Variants in CTNNA2 observed in about 807,000 individuals in gnomAD.
CTNNA2 encodes catenin alpha 2.
In CTNNA2, 42 loss-of-function variants were observed where a neutral mutation model predicts 101.0. The ratio of observed to expected loss-of-function variants is 0.42; its 90% CI spans 0.32 to 0.54. The LOEUF is 0.54. Among genes scored for constraint, CTNNA2 ranks in the 20% least tolerant of loss-of-function variants. The probability of loss-of-function intolerance (pLI) is 0.14; values close to 1 mark genes in which losing one functional copy is unlikely to be tolerated. For synonymous variants in CTNNA2, 450 were observed against 456.4 expected (o/e 0.99, Z 0.18); for missense variants, 871 against 1,223.1 (o/e 0.71, Z 4.29).
chr2:79,338,088 A>G lies in CTNNA2; in HGVS notation c.-318+25292A>G, dbSNP rs184152512. ...TGGAGAAACCCCATCTCTACTAAAA[A>G]TACAAAAAAATTAGCTGGGTATGGT... On this transcript the variant is annotated intron_variant, in intron 3 of 21. Transcript: ENST00000466387. 5.1e-3 allele frequency among the ~76,000 whole-genome samples: 781 copies of G among 152,026 alleles called. 5 individuals carry two copies. The highest frequency in any genetic ancestry group is 0.017 in the Middle Eastern group (5 of 294).
At chr2:79,363,087 C>T (rs1677666879) in intron 3 of CTNNA2, among the ~76,000 whole-genome samples, 1 of 152,186 alleles carries the variant, frequency 6.6e-6, no homozygotes, top group African/African-American at 2.4e-5. Flanking sequence ...TTACTTCAGG[C>T]TTCTATGACA....
rs75648499 is a variant in CTNNA2 at position 79,390,471 on chromosome 2, T to C, written c.-135+16458T>C. Reference sequence around the variant, plus strand: ...GCAGTTTTAATCTCACCTCCTCCGTTATACCTTTCTTGATTACTTCATCCA... The same window carrying C: ...GCAGTTTTAATCTCACCTCCTCCGTCATACCTTTCTTGATTACTTCATCCA... On this transcript the variant is annotated intron_variant, in intron 4 of 21. Coordinates refer to the CTNNA2 transcript ENST00000466387. Among the ~76,000 whole-genome samples, 40 of 152,290 alleles carry C rather than the reference T, an allele frequency of 2.6e-4. No individual in the cohort carries two copies. In the East Asian group the frequency reaches 7.7e-3, roughly 29 times the overall value.
chr2:79,814,995 G>A (rs1407280808), intron 3 of CTNNA2, among the ~76,000 whole-genome samples: 1 of 152,138 alleles, frequency 6.6e-6, no homozygotes, highest in Non-Finnish European at 1.5e-5. Flanking sequence ...GTATCACATT[G>A]TGGTTTTGAT....
At chr2:80,555,601 A>G (rs1391921258) in intron 11 of CTNNA2, 92 bp from the exon 12 acceptor site, 1 of 675,100 alleles carries the variant, frequency 1.5e-6, no homozygotes. Flanking sequence ...AGATGTGTCC[A>G]AGGCAAGGGC....
At chr2:80,477,649 C>G (rs11682252) in intron 9 of CTNNA2, among the ~76,000 whole-genome samples, 62,440 of 151,640 alleles carry the variant, frequency 0.41, 15,345 homozygotes, top group East Asian at 0.67. Flanking sequence ...TAGGATAATG[C>G]CCTCCAGGTC....
chr2:80,613,156 A>G (rs150884963), intron 17 of CTNNA2, among the ~76,000 whole-genome samples: 2 of 151,594 alleles, frequency 1.3e-5, no homozygotes, highest in East Asian at 3.9e-4. Context: ...GCATGATTCC[A>G]TATTTTCCCC....
chr2:79,625,101 AT>A (rs113668038), intron 1 of CTNNA2, among the ~76,000 whole-genome samples: 7,558 of 152,148 alleles, frequency 0.05, 227 homozygotes, highest in Non-Finnish European at 0.065. Flanking sequence ...ATTTGGGGAG[AT>A]TTTTCCATAA....
At chr2:79,805,807 G>A (rs112486865) in intron 3 of CTNNA2, among the ~76,000 whole-genome samples, 33 of 151,992 alleles carry the variant, frequency 2.2e-4, no homozygotes, top group South Asian at 1.0e-3. Context: ...GCATGGTGGC[G>A]GGCACCTGTA....
intron 7 of CTNNA2, among the ~76,000 whole-genome samples, chr2:79,947,376 CTTGAAA>C (rs560625944): frequency 6.6e-6 from 1 of 152,156 alleles, no homozygotes; most frequent in East Asian, 1.9e-4. Flanking sequence ...GATTTATTTT[CTTGAAA>C]TTGAGGGTTG....
intron 18 of CTNNA2, among the ~76,000 whole-genome samples, chr2:80,639,100 T>C (rs1573538741): frequency 6.6e-6 from 1 of 152,222 alleles, no homozygotes; most frequent in African/African-American, 2.4e-5. Context: ...CTGTAAAATA[T>C]TTGCTTTACA....
chr2:79,510,813 C>A (rs577324141), upstream of CTNNA2, among the ~76,000 whole-genome samples: 2 of 152,186 alleles, frequency 1.3e-5, no homozygotes, highest in Non-Finnish European at 2.9e-5. Flanking sequence ...TTAAATGTCT[C>A]TCGATAATAT....
intron 4 of CTNNA2, among the ~76,000 whole-genome samples, chr2:79,382,887 T>C (rs1310767445): frequency 6.6e-6 from 1 of 152,228 alleles, no homozygotes; most frequent in African/African-American, 2.4e-5. Context: ...GTGCTGGGAT[T>C]ACAGGCGTGA....
Position 79,287,564 on chromosome 2 carries a change from C to CTCAGGGG in CTNNA2, c.-405-25138_-405-25132dup, listed in dbSNP as rs1553392710. On this transcript the variant is annotated intron_variant, in intron 2 of 21. Transcript: ENST00000466387. ...TGGGGGGTGCCTCCCAGTTAGGCTG[C>CTCAGGGG]TCAGGGGTCAGGGACCCACTTGAGG... Among the ~76,000 whole-genome samples the CTCAGGGG allele has an allele frequency of 2.1e-5, 3 of 143,792 alleles. 1 individual carries two copies. The highest frequency in any genetic ancestry group is 4.4e-4 in the South Asian group (2 of 4,592). 94.3% of individuals were successfully genotyped at this position (143,792 alleles called of 152,430 possible).
chr2:80,040,098 T>C (rs1169974196), intron 7 of CTNNA2, among the ~76,000 whole-genome samples: 1 of 152,236 alleles, frequency 6.6e-6, no homozygotes, highest in African/African-American at 2.4e-5. Context: ...GACCAAACTC[T>C]GGCAGTTTGT....
intron 4 of CTNNA2, among the ~76,000 whole-genome samples, chr2:79,408,367 A>T (rs1470396712): frequency 6.6e-6 from 1 of 151,272 alleles, no homozygotes; most frequent in South Asian, 2.1e-4. Context: ...GGTTAGTTAC[A>T]TATGTATACA....
At chr2:79,886,706 A>G (rs1191738151) in intron 6 of CTNNA2, among the ~76,000 whole-genome samples, 3 of 119,438 alleles carry the variant, frequency 2.5e-5, no homozygotes, top group Middle Eastern at 6.3e-3. Context: ...AGCTGAGATC[A>G]CGCCACTGCA....
At chr2:80,021,156 A>C (rs1384574111) in intron 7 of CTNNA2, among the ~76,000 whole-genome samples, 6 of 151,722 alleles carry the variant, frequency 4.0e-5, no homozygotes, top group Non-Finnish European at 7.4e-5. Flanking sequence ...AGCAGCTGGG[A>C]CTACAGGCAC....
Position 79,874,389 on chromosome 2 carries a change from C to CAA in CTNNA2, c.852+58_852+59dup, listed in dbSNP as rs56849709. 3,832 of 1,296,800 alleles carry CAA rather than the reference C, an allele frequency of 3.0e-3. 4 individuals are homozygous for CAA. Among genetic ancestry groups the CAA allele is most frequent in the Middle Eastern group, 0.011 (41 of 3,798 alleles). 80.3% of individuals were successfully genotyped at this position (1,296,800 alleles called of 1,614,324 possible). On this transcript the variant is annotated intron_variant, in intron 6 of 18. Coordinates refer to ENST00000402739, the MANE Select transcript of CTNNA2 (RefSeq NM_001282597.3). The stretch of plus-strand genomic sequence containing the variant: ...ACAGAGGGGTGGGCACTGGTGTTGA[C>CAA]AAAAAAAAAAAATGTATTGAGGATG...
At chr2:79,314,405 A>C (rs13390216) in intron 3 of CTNNA2, among the ~76,000 whole-genome samples, 38,932 of 152,098 alleles carry the variant, frequency 0.26, 5,248 homozygotes, top group Middle Eastern at 0.38. Context: ...CTGGAGGCTA[A>C]TGTAAACAAC....
Sources: allele counts gnomAD v4.1 joint callset (sites outside exome capture counted in the v4.1 genomes callset), GRCh38; gene constraint gnomAD v4.1.1; transcripts MANE v1.5; gene names NCBI Gene and HGNC (gene_info 2026-07-23, HGNC 2026-07-21).